PTPN11: variants seen among roughly 807,000 people sequenced by gnomAD.
PTPN11 encodes tyrosine-protein phosphatase non-receptor type 11.
PTPN11 carries 6 observed loss-of-function variants against 78.8 expected under a neutral mutation model. The observed-to-expected ratio is 0.08, with a 90% CI of 0.04 to 0.15. The LOEUF (loss-of-function observed/expected upper bound fraction) is 0.15. Among genes scored for constraint, PTPN11 ranks in the 10% least tolerant of loss-of-function variants. The pLI is 1.00. For missense variants in PTPN11, 386 were observed against 744.8 expected, an observed-to-expected ratio of 0.52 and a Z score of 5.61; for synonymous variants, 221 against 263.5, an observed-to-expected ratio of 0.84 and a Z score of 1.56.
chr12:112,471,136 A>G (rs1235447298), intron 6 of PTPN11, among the ~76,000 whole-genome samples: 4 of 152,204 alleles, frequency 2.6e-5, no homozygotes, highest in East Asian at 1.9e-4. Flanking sequence ...TCAAATACCA[A>G]TTTAAAGTCC....
chr12:112,449,368 G>T (rs1244681397), intron 2 of PTPN11, among the ~76,000 whole-genome samples: 1 of 151,558 alleles, frequency 6.6e-6, no homozygotes, highest in Non-Finnish European at 1.5e-5. Context: ...TTAGCTGGGC[G>T]TCGTGGCGGG....
At position 112,454,721 on chromosome 12, in the gene PTPN11, TAAAAC is replaced by T. The variant is rs550318202; in HGVS notation, c.642+45_642+49del. The T allele has an allele frequency of 1.0e-4, 147 of 1,459,798 alleles. No individual in the cohort carries two copies. In the African/African-American group the frequency reaches 1.5e-3, roughly 15 times the overall value. 90.4% of individuals were successfully genotyped at this position (1,459,798 alleles called of 1,614,324 possible). A position where few individuals can be genotyped will look rare whatever the true frequency, so the allele number is the denominator to read the frequency against. ...AGCTCAAGCTTTCTCCTTAAAAACT[TAAAAC>T]AAATCCTAATAGAGAATTTTGCAAA... On this transcript the variant is annotated intron_variant, in intron 5 of 15. Coordinates refer to ENST00000351677, the MANE Select transcript of PTPN11 (RefSeq NM_002834.5).
intron 1 of PTPN11, among the ~76,000 whole-genome samples, chr12:112,430,256 C>A (rs1037350379): frequency 6.6e-6 from 1 of 152,150 alleles, no homozygotes; most frequent in Non-Finnish European, 1.5e-5. Flanking sequence ...CCTGCCTCAG[C>A]CTCCCAAAGT....
At chr12:112,434,380 C>T (rs1261151135) in intron 1 of PTPN11, among the ~76,000 whole-genome samples, 1 of 152,060 alleles carries the variant, frequency 6.6e-6, no homozygotes, top group Admixed American at 6.6e-5. Flanking sequence ...GAGGCTGAGG[C>T]GGGCAGGTCA....
intron 6 of PTPN11, among the ~76,000 whole-genome samples, chr12:112,458,269 G>A (rs1226077470): frequency 5.3e-5 from 8 of 152,196 alleles, no homozygotes; most frequent in Admixed American, 5.2e-4. Flanking sequence ...GGAGTACAGT[G>A]GTGCAATCAT....
At chr12:112,494,179 G>A (rs767732147) in intron 13 of PTPN11, among the ~76,000 whole-genome samples, 1 of 152,154 alleles carries the variant, frequency 6.6e-6, no homozygotes, top group African/African-American at 2.4e-5. Context: ...GCTTGAACCC[G>A]GGAGGCGGAG....
chr12:112,461,136 G>A (rs1374616576), intron 6 of PTPN11, among the ~76,000 whole-genome samples: 2 of 151,890 alleles, frequency 1.3e-5, no homozygotes, highest in Non-Finnish European at 2.9e-5. Flanking sequence ...AGGTGTTTAT[G>A]TCCTGTTGTT....
At chr12:112,421,522 C>T (rs2037522001) in intron 1 of PTPN11, among the ~76,000 whole-genome samples, 1 of 152,052 alleles carries the variant, frequency 6.6e-6, no homozygotes, top group African/African-American at 2.4e-5. Context: ...ACTGTGTTGC[C>T]CAGGGCAGTC....
At chr12:112,437,350 A>G (rs554382160) in intron 1 of PTPN11, among the ~76,000 whole-genome samples, 1 of 151,170 alleles carries the variant, frequency 6.6e-6, no homozygotes, top group South Asian at 2.1e-4. Flanking sequence ...TTTAGTACAG[A>G]TGGGGTTTTG....
rs1375952951 is a variant in PTPN11, at chr12:112,506,026, C to T, written c.*234C>T. ...CTCATTTCCTCAGATAAGAAGAAAT[C>T]ATCTCTACAATGTAGACAACATTAT... On this transcript the variant is annotated 3_prime_UTR_variant, in exon 16 of 16. Transcript: ENST00000351677. 1 of 152,240 alleles carries T rather than the reference C, an allele frequency of 6.6e-6. No homozygotes were observed. Among genetic ancestry groups the T allele is most frequent in the Admixed American group, 6.5e-5 (1 of 15,276 alleles). 9.4% of individuals were successfully genotyped at this position (152,240 alleles called of 1,614,324 possible). A position where few individuals can be genotyped will look rare whatever the true frequency, so the allele number is the denominator to read the frequency against.
Position 112,457,646 on chromosome 12 carries a change from C to T in PTPN11, c.756+1583C>T, listed in dbSNP as rs557281706. 5.9e-5 allele frequency among the ~76,000 whole-genome samples: 9 copies of T among 152,328 alleles called. No homozygotes were observed. In the East Asian group the frequency reaches 1.5e-3, roughly 26 times the overall value. ...TACACTCCCACCAACAGTGTAAAAG[C>T]ATTCCTATTTCTCCACATCTTCTCC... On this transcript the variant is annotated intron_variant, in intron 6 of 15. Transcript: ENST00000351677.
At chr12:112,449,497 ACT>A (rs199519175) in intron 2 of PTPN11, among the ~76,000 whole-genome samples, 6,111 of 151,894 alleles carry the variant, frequency 0.04, 263 homozygotes, top group African/African-American at 0.11. Context: ...ATGGAGTGAG[ACT>A]CTGTCTCAAA....
At chr12:112,419,467 T>C (rs2135818415) in intron 1 of PTPN11, among the ~76,000 whole-genome samples, 1 of 152,228 alleles carries the variant, frequency 6.6e-6, no homozygotes, top group South Asian at 2.1e-4. Flanking sequence ...CTCATGAGAA[T>C]TGCCTCATGG....
chr12:112,487,220 C>T (rs1015112789), intron 11 of PTPN11, among the ~76,000 whole-genome samples: 3 of 151,678 alleles, frequency 2.0e-5, no homozygotes, highest in East Asian at 1.9e-4. Flanking sequence ...CTGCAACCTC[C>T]GCCTCCCGGG....
In PTPN11 at chr12:112,424,956, TTGTGTGTGTGTGTG is replaced by T. The variant is rs34463047; in HGVS notation, c.14+5871_14+5884del. Among the ~76,000 whole-genome samples the T allele has an allele frequency of 4.6e-3, 412 of 89,014 alleles. 5 individuals carry two copies. The highest frequency in any genetic ancestry group is 0.013 in the South Asian group (33 of 2,492). 58.4% of individuals were successfully genotyped at this position (89,014 alleles called of 152,430 possible). A position where few individuals can be genotyped will look rare whatever the true frequency, so the allele number is the denominator to read the frequency against. ...GGCACACACCACCATGTCAGGCTAA[TTGTGTGTGTGTGTG>T]TGTGTGTGTGTGTGTGTGTGTGTGT... On this transcript the variant is annotated intron_variant, in intron 1 of 15. Transcript: ENST00000351677.
At chr12:112,460,431 A>G (rs965352373) in intron 6 of PTPN11, among the ~76,000 whole-genome samples, 4 of 152,222 alleles carry the variant, frequency 2.6e-5, no homozygotes, top group Non-Finnish European at 5.9e-5. Flanking sequence ...AATGCATCAC[A>G]TAACCCAACA....
Position 112,446,315 on chromosome 12 carries a change from C to G in PTPN11, c.54C>G (p.Asn18Lys). 1 of 1,614,062 alleles carries G rather than the reference C, an allele frequency of 6.2e-7. No individual in the cohort carries two copies. The highest frequency in any genetic ancestry group is 1.7e-5 in the Admixed American group (1 of 60,010). Residue 18 changes from asparagine to lysine, a missense_variant, in exon 2 of 16, where the codon AAC (asparagine) becomes AAG (lysine). By Grantham distance (94) the Asn-to-Lys change is moderately conservative. Around this residue, in one of 3 missense-constraint regions of PTPN11, gnomAD observed 279 missense variants for 503.3 expected, o/e 0.55. Coordinates refer to ENST00000351677, the MANE Select transcript of PTPN11 (RefSeq NM_002834.5). ...ATATCACTGGTGTGGAGGCAGAAAA[C>G]CTACTGTTGACAAGAGGAGTTGATG... ...HPNITGVEAE[N>K]LLLTRGVDGS...
Position 112,419,002 on chromosome 12 carries a change from C to T in PTPN11, c.-110C>T, listed in dbSNP as rs1257933512. ...GTCTGTGCGCGGCCGGCTGGCTCTG[C>T]CCCGCGTCCGGTCCCGAGCGGGCCT... On this transcript the variant is annotated 5_prime_UTR_variant, in exon 1 of 16. Coordinates refer to ENST00000351677, the MANE Select transcript of PTPN11 (RefSeq NM_002834.5). 7 of 1,409,808 alleles carry T rather than the reference C, an allele frequency of 5.0e-6. No homozygotes were observed. In the African/African-American group the frequency reaches 7.3e-5, roughly 15 times the overall value. 87.3% of individuals were successfully genotyped at this position (1,409,808 alleles called of 1,614,324 possible). A position where few individuals can be genotyped will look rare whatever the true frequency, so the allele number is the denominator to read the frequency against.
At chr12:112,460,625 C>T (rs374789173) in intron 6 of PTPN11, among the ~76,000 whole-genome samples, 178 of 152,094 alleles carry the variant, frequency 1.2e-3, no homozygotes, top group Admixed American at 3.1e-3. Flanking sequence ...GGGCGGATCA[C>T]GAGGTCAAGA....
Sources: allele counts gnomAD v4.1 joint callset (sites outside exome capture counted in the v4.1 genomes callset), GRCh38; gene constraint gnomAD v4.1.1; regional missense constraint gnomAD v4.1.1; transcripts MANE v1.5; gene names NCBI Gene and HGNC (gene_info 2026-07-23, HGNC 2026-07-21).